Variants in TCF12 observed in about 807,000 individuals in gnomAD.
The protein encoded by TCF12 is DNA-binding protein HTF4.
A neutral mutation model predicts 86.0 loss-of-function variants in TCF12; 45 were observed. The ratio of observed to expected loss-of-function variants is 0.52; its 90% confidence interval spans 0.41 to 0.67. The LOEUF is 0.67. Among genes scored for constraint, TCF12 ranks in the 30% least tolerant of loss-of-function variants. The pLI, the probability that TCF12 is intolerant of heterozygous loss-of-function variation, is 0.00. For missense variants in TCF12, 881 were observed against 859.9 expected (o/e 1.02, Z -0.31); for synonymous variants, 330 against 299.6 (o/e 1.10, Z -1.05).
At chr15:57,201,163 T>A (rs973596068) in intron 8 of TCF12, among the ~76,000 whole-genome samples, 1 of 152,174 alleles carries the variant, frequency 6.6e-6, no homozygotes, top group East Asian at 1.9e-4. Context: ...AGTGGACTTT[T>A]GTAGCAGCAA....
chr15:57,233,065 GTA>G (rs1463488531), intron 11 of TCF12, among the ~76,000 whole-genome samples: 1 of 118,336 alleles, frequency 8.5e-6, no homozygotes, highest in Non-Finnish European at 2.1e-5. Flanking sequence ...TGTTATATAT[GTA>G]TATGTGTGTT....
At chr15:57,167,959 ATC>A (rs1390947908) in intron 6 of TCF12, among the ~76,000 whole-genome samples, 4 of 152,200 alleles carry the variant, frequency 2.6e-5, no homozygotes, top group African/African-American at 7.2e-5. Context: ...CAAGAGCCGA[ATC>A]TGTTAAACTT....
At chr15:57,161,356 C>T (rs1206239691) in intron 5 of TCF12, among the ~76,000 whole-genome samples, 1 of 152,116 alleles carries the variant, frequency 6.6e-6, no homozygotes, top group Admixed American at 6.5e-5. Context: ...TCTTGAACTT[C>T]AGTCATTTGC....
chr15:57,273,810 A>G (rs575582506), intron 19 of TCF12, among the ~76,000 whole-genome samples: 3 of 152,274 alleles, frequency 2.0e-5, no homozygotes, highest in Admixed American at 2.0e-4. Context: ...TTGGGCTAAC[A>G]TACATCGGCA....
chr15:56,936,672 G>A (rs1469754525), intron 3 of TCF12, among the ~76,000 whole-genome samples: 1 of 152,094 alleles, frequency 6.6e-6, no homozygotes, highest in Non-Finnish European at 1.5e-5. Context: ...ATGAGATGAG[G>A]ATCCAATTTC....
rs1002733092 is a variant in TCF12 at position 56,962,105 on chromosome 15, C to T, written c.148+41007C>T. 5.5e-5 allele frequency among the ~76,000 whole-genome samples: 8 copies of T among 146,214 alleles called. No individual in the cohort carries two copies. In the Admixed American group the frequency reaches 5.6e-4, roughly 10 times the overall value. On this transcript the variant is annotated intron_variant, in intron 3 of 20. Coordinates refer to ENST00000333725, the MANE Select transcript of TCF12 (RefSeq NM_207037.2). ...CCGAGACTGCGCCACTGTACTCCAG[C>T]CTGGGTGACAGAGCGAGACTCCGTC... is the stretch of plus-strand genomic sequence containing the variant.
intron 5 of TCF12, among the ~76,000 whole-genome samples, chr15:57,130,736 T>C (rs2052046053): frequency 2.6e-5 from 4 of 152,200 alleles, no homozygotes; most frequent in African/African-American, 9.6e-5. Context: ...TTATTAATAT[T>C]AAATGATAAT....
intron 8 of TCF12, among the ~76,000 whole-genome samples, chr15:57,204,213 AT>A (rs2057699856): frequency 6.6e-6 from 1 of 152,170 alleles, no homozygotes; most frequent in African/African-American, 2.4e-5. Flanking sequence ...AGGTGGGAGT[AT>A]CCCCTGAATC....
intron 5 of TCF12, among the ~76,000 whole-genome samples, chr15:57,132,168 G>C (rs551369658): frequency 5.9e-5 from 9 of 151,970 alleles, no homozygotes; most frequent in Admixed American, 3.3e-4. Flanking sequence ...ACAAAACAGT[G>C]TATAATAATA....
chr15:57,125,134 A>C (rs1200339576), intron 5 of TCF12, among the ~76,000 whole-genome samples: 1 of 152,194 alleles, frequency 6.6e-6, no homozygotes, highest in African/African-American at 2.4e-5. Flanking sequence ...ACAGATAGCC[A>C]AGCTTTCATG....
chr15:57,212,564 C>T (rs2058156434), intron 8 of TCF12, among the ~76,000 whole-genome samples: 1 of 152,064 alleles, frequency 6.6e-6, no homozygotes, highest in Non-Finnish European at 1.5e-5. Context: ...AGGCATGAGC[C>T]ACCATACCCT....
At position 57,222,758 on chromosome 15, in the gene TCF12, A is replaced by ATTT. The variant is rs57645813; in HGVS notation, c.580-8360_580-8358dup. ...GTTTTGGGGGAAAAAAAGGACTGCC[A>ATTT]TTTTTTTTTTTTTTTTTTTTTTTTT... On this transcript the variant is annotated intron_variant, in intron 8 of 20. Transcript: ENST00000333725. Among the ~76,000 whole-genome samples the ATTT allele has an allele frequency of 9.9e-4, 45 of 45,528 alleles. 2 individuals carry two copies. The highest frequency in any genetic ancestry group is 1.5e-3 in the Admixed American group (4 of 2,612). The allele number at this position is 45,528 out of a possible 152,430, so 29.9% of individuals were successfully genotyped here. A position where few individuals can be genotyped will look rare whatever the true frequency, so the allele number is the denominator to read the frequency against.
intron 8 of TCF12, among the ~76,000 whole-genome samples, chr15:57,221,562 T>C (rs1217513154): frequency 6.6e-6 from 1 of 151,984 alleles, no homozygotes; most frequent in African/African-American, 2.4e-5. Context: ...GGAGCTTTGA[T>C]AGTGGTATTT....
At chr15:57,096,539 A>G (rs979788270) in intron 5 of TCF12, among the ~76,000 whole-genome samples, 10 of 152,138 alleles carry the variant, frequency 6.6e-5, no homozygotes, top group African/African-American at 2.4e-4. Flanking sequence ...ATAAAATGGT[A>G]TAGTTTTTGC....
intron 3 of TCF12, among the ~76,000 whole-genome samples, chr15:56,959,925 AT>A (rs1278175437): frequency 1.3e-5 from 2 of 152,104 alleles, no homozygotes; most frequent in Non-Finnish European, 2.9e-5. Flanking sequence ...TATTGTTCCA[AT>A]TTTTTGACAA....
intron 3 of TCF12, among the ~76,000 whole-genome samples, chr15:57,022,613 C>G (rs1419459580): frequency 6.6e-6 from 1 of 152,148 alleles, no homozygotes; most frequent in Non-Finnish European, 1.5e-5. Flanking sequence ...AATGGTATTT[C>G]TAGTTCTAGA....
intron 12 of TCF12, among the ~76,000 whole-genome samples, chr15:57,237,356 C>G (rs2059423768): frequency 6.6e-6 from 1 of 152,134 alleles, no homozygotes; most frequent in Admixed American, 6.5e-5. Context: ...AAATTGGGCT[C>G]ACAGTTCCGG....
intron 3 of TCF12, among the ~76,000 whole-genome samples, chr15:56,926,288 G>C (rs2140222954): frequency 6.6e-6 from 1 of 150,590 alleles, no homozygotes; most frequent in South Asian, 2.1e-4. Context: ...ACTCCAGCCT[G>C]GGTGACAGAG....
intron 5 of TCF12, among the ~76,000 whole-genome samples, chr15:57,165,399 T>G (rs2054812360): frequency 6.6e-6 from 1 of 152,140 alleles, no homozygotes; most frequent in Non-Finnish European, 1.5e-5. Context: ...TTAAATATAT[T>G]AAATGCAAAC....
Sources: allele counts gnomAD v4.1 joint callset (sites outside exome capture counted in the v4.1 genomes callset), GRCh38; gene constraint gnomAD v4.1.1; transcripts MANE v1.5; gene names NCBI Gene and HGNC (gene_info 2026-07-23, HGNC 2026-07-21).